The following CACNA1E variants were observed in gnomAD, a reference collection of about 807,000 sequenced individuals.
CACNA1E encodes calcium voltage-gated channel subunit alpha1 E, also known as voltage-dependent R-type calcium channel subunit alpha-1E.
Under a neutral mutation model 259.2 loss-of-function variants are expected in CACNA1E, and 40 were observed. The ratio of observed to expected loss-of-function variants is 0.15; its 90% CI spans 0.12 to 0.20. The LOEUF (loss-of-function observed/expected upper bound fraction) is 0.20. Ranked by LOEUF, CACNA1E falls within the 10% of genes least tolerant of loss-of-function variation. CACNA1E has a pLI of 1.00. For synonymous variants in CACNA1E, 1,104 were observed against 1,138.5 expected (o/e 0.97, Z 0.61); for missense variants, 1,874 against 3,040.1 (o/e 0.62, Z 9.02).
In CACNA1E at chr1:181,682,346, C is replaced by G. The variant is rs185322950; in HGVS notation, c.1056-28608C>G. On this transcript the variant is annotated intron_variant, in intron 7 of 47. Transcript: ENST00000367573. ...AAACTGACCCTCCAAGATGCTCTAA[C>G]TAGAAGGAATGCTGACTATCTTCTT... is the stretch of plus-strand genomic sequence containing the variant. Among the ~76,000 whole-genome samples the G allele has an allele frequency of 2.0e-5, 3 of 152,300 alleles. No individual in the cohort carries two copies. The East Asian group carries it at 5.8e-4, about 29-fold the overall frequency.
intron 3 of CACNA1E, among the ~76,000 whole-genome samples, chr1:181,538,991 C>T (rs1668375839): frequency 6.6e-6 from 1 of 152,212 alleles, no homozygotes; most frequent in African/African-American, 2.4e-5. Context: ...TCCCTCCTGA[C>T]CTGACCACAT....
At chr1:181,325,912 G>A (rs887948414) in intron 1 of CACNA1E, among the ~76,000 whole-genome samples, 4 of 152,162 alleles carry the variant, frequency 2.6e-5, no homozygotes, top group African/African-American at 9.7e-5. Context: ...GACAGGGATT[G>A]GGTTCTGTGT....
intron 25 of CACNA1E, among the ~76,000 whole-genome samples, chr1:181,741,574 GC>G (rs1656579293): frequency 6.6e-6 from 1 of 152,192 alleles, no homozygotes; most frequent in East Asian, 1.9e-4. Context: ...CCTTGCCTAT[GC>G]CCGTGTGCCT....
chr1:181,627,007 C>G (rs571194383), intron 6 of CACNA1E, among the ~76,000 whole-genome samples: 58 of 152,260 alleles, frequency 3.8e-4, no homozygotes, highest in African/African-American at 9.6e-4. Flanking sequence ...GTGGTTATCT[C>G]TAGGTAATGA....
At chr1:181,397,440 A>G (rs1656760394) in intron 1 of CACNA1E, among the ~76,000 whole-genome samples, 1 of 152,170 alleles carries the variant, frequency 6.6e-6, no homozygotes. Flanking sequence ...AGCTGGGATT[A>G]CAGGCATGCG....
At chr1:181,593,244 GT>G (rs1002890416) in intron 6 of CACNA1E, among the ~76,000 whole-genome samples, 2 of 152,172 alleles carry the variant, frequency 1.3e-5, no homozygotes, top group Admixed American at 1.3e-4. Context: ...TAAGTTAGCA[GT>G]TTTTTTGTGC....
chr1:181,609,824 G>A (rs1654579106), intron 6 of CACNA1E, among the ~76,000 whole-genome samples: 1 of 152,212 alleles, frequency 6.6e-6, no homozygotes. Flanking sequence ...TGCCCATACA[G>A]CTGACAAGCA....
chr1:181,386,296 C>T (rs1256345978), intron 1 of CACNA1E, among the ~76,000 whole-genome samples: 2 of 152,078 alleles, frequency 1.3e-5, no homozygotes, highest in Non-Finnish European at 1.5e-5. Context: ...GAGAAGTTAG[C>T]CTGGCAACAA....
In CACNA1E at chr1:181,733,728, G is replaced by A. The variant is rs1220120178; in HGVS notation, c.3240G>A (p.Leu1080=). ...TCGCCATCCCCGACGTGGACCCCTT[G>A]GTGGACTCAACCGTGGTGCACAGTG... ...VTVAIPDVDP[L]VDSTVVHISN... The change falls in exon 21 of 48, where the codon TTG becomes TTA. Residue 1080 remains leucine, a synonymous_variant. Transcript: ENST00000367573. 1.9e-6 allele frequency: 3 copies of A among 1,571,926 alleles called. No homozygotes were observed. Among genetic ancestry groups the A allele is most frequent in the Non-Finnish European group, 2.6e-6 (3 of 1,158,584 alleles).
intron 1 of CACNA1E, among the ~76,000 whole-genome samples, chr1:181,371,456 G>A (rs1654707737): frequency 6.6e-6 from 1 of 152,014 alleles, no homozygotes; most frequent in Non-Finnish European, 1.5e-5. Context: ...TTTATTCTTA[G>A]TAGAGACAAG....
At chr1:181,756,169 G>A in intron 29 of CACNA1E, 76 bp downstream of exon 29, 1 of 1,412,770 alleles carries the variant, frequency 7.1e-7, no homozygotes, top group Non-Finnish European at 9.7e-7. Context: ...GACTCAAGAT[G>A]AACAAGGCTC....
At chr1:181,447,841 G>C (rs190898444) in intron 2 of CACNA1E, among the ~76,000 whole-genome samples, 64 of 152,268 alleles carry the variant, frequency 4.2e-4, no homozygotes, top group African/African-American at 1.5e-3. Context: ...TGTAACCTAA[G>C]GGCTCTTTCA....
upstream of CACNA1E, among the ~76,000 whole-genome samples, chr1:181,480,360 T>G (rs1663152208): frequency 6.6e-6 from 1 of 152,186 alleles, no homozygotes; most frequent in Non-Finnish European, 1.5e-5. Context: ...CTCCAAGAAT[T>G]ATCCCTTTTA....
intron 7 of CACNA1E, among the ~76,000 whole-genome samples, chr1:181,703,932 C>CTGGTCTGTG (rs1460911682): frequency 3.3e-5 from 5 of 152,130 alleles, no homozygotes; most frequent in Admixed American, 6.5e-5. Context: ...TATAGCACTT[C>CTGGTCTGTG]ATGTAATGCC....
At chr1:181,746,652 G>A (rs1049093034) in intron 25 of CACNA1E, among the ~76,000 whole-genome samples, 3 of 152,156 alleles carry the variant, frequency 2.0e-5, no homozygotes, top group African/African-American at 7.2e-5. Context: ...TGTCCATCTT[G>A]TTGTTTCATC....
chr1:181,537,529 G>T (rs1668269572), intron 3 of CACNA1E, among the ~76,000 whole-genome samples: 1 of 152,180 alleles, frequency 6.6e-6, no homozygotes, highest in Non-Finnish European at 1.5e-5. Flanking sequence ...TATAGAAAAT[G>T]ATTTCTAGGA....
Position 181,575,678 on chromosome 1 carries a change from CAT to C in CACNA1E, c.513-2087_513-2086del, listed in dbSNP as rs1249127740. ...TTTTTATGATATGAAAAGAGTGTCT[CAT>C]GTGTATCTGAGTATCCTAGGAAACA... On this transcript the variant is annotated intron_variant, in intron 3 of 47. Transcript: ENST00000367573. 1.4e-4 allele frequency among the ~76,000 whole-genome samples: 21 copies of C among 152,276 alleles called. No individual in the cohort carries two copies. In the South Asian group the frequency reaches 4.4e-3, roughly 32 times the overall value.
intron 1 of CACNA1E, among the ~76,000 whole-genome samples, chr1:181,401,150 C>G (rs1257734986): frequency 6.6e-6 from 1 of 152,142 alleles, no homozygotes; most frequent in Non-Finnish European, 1.5e-5. Flanking sequence ...TTCTGTCTTC[C>G]CTATATCAGA....
chr1:181,432,698 CCT>C (rs1469800356), intron 2 of CACNA1E, among the ~76,000 whole-genome samples: 5 of 152,084 alleles, frequency 3.3e-5, no homozygotes, highest in Non-Finnish European at 1.5e-5. Context: ...TTTGGTCTCC[CCT>C]CTCTCACTAA....
Sources: allele counts gnomAD v4.1 joint callset (sites outside exome capture counted in the v4.1 genomes callset), GRCh38; gene constraint gnomAD v4.1.1; transcripts MANE v1.5; gene names NCBI Gene and HGNC (gene_info 2026-07-23, HGNC 2026-07-21).